The following ZNF407 variants were observed in gnomAD, a reference collection of about 807,000 sequenced individuals.
ZNF407 encodes zinc finger protein 407.
In ZNF407, 17 loss-of-function variants were observed where a neutral mutation model predicts 131.2. That is an observed-to-expected ratio of 0.13 (90% CI 0.09 to 0.19). The LOEUF is 0.19. Among genes scored for constraint, ZNF407 ranks in the 10% least tolerant of loss-of-function variants. The probability of loss-of-function intolerance (pLI) is 1.00; values close to 1 mark genes in which losing one functional copy is unlikely to be tolerated. For synonymous variants in ZNF407, 1,156 were observed against 1,062.0 expected (o/e 1.09, Z -1.72); for missense variants, 2,681 against 2,830.6 (o/e 0.95, Z 1.20).
intron 8 of ZNF407, among the ~76,000 whole-genome samples, chr18:74,953,792 C>T (rs1347290790): frequency 6.6e-6 from 1 of 152,204 alleles, no homozygotes; most frequent in Admixed American, 6.5e-5. Flanking sequence ...GCCCCTTACT[C>T]CGATGTCATT....
chr18:74,719,475 C>T (rs1967975580), intron 3 of ZNF407, among the ~76,000 whole-genome samples: 1 of 152,250 alleles, frequency 6.6e-6, no homozygotes, highest in African/African-American at 2.4e-5. Flanking sequence ...TCTCAGCTCA[C>T]TGCAAGCTCC....
intron 4 of ZNF407, among the ~76,000 whole-genome samples, chr18:74,808,100 G>T (rs1254091363): frequency 6.6e-6 from 1 of 151,814 alleles, no homozygotes; most frequent in Non-Finnish European, 1.5e-5. Flanking sequence ...CGCAACTTCC[G>T]CCTCCGAGGT....
chr18:74,997,473 A>C lies in ZNF407; in HGVS notation c.5429-65677A>C, dbSNP rs141746237. Among the ~76,000 whole-genome samples, 54 of 152,322 alleles carry C rather than the reference A, an allele frequency of 3.5e-4. No homozygotes were observed. In the East Asian group the frequency reaches 9.6e-3, roughly 27 times the overall value. ...GACGTAAAATACAGCCTCTTGAAAA[A>C]ATAGACATAACAAAAACTTAAGTAA... is the stretch of plus-strand genomic sequence containing the variant. On this transcript the variant is annotated intron_variant, in intron 8 of 8. Transcript: ENST00000299687.
chr18:74,914,684 G>T (rs1193458732), intron 7 of ZNF407, among the ~76,000 whole-genome samples: 3 of 152,192 alleles, frequency 2.0e-5, no homozygotes, highest in African/African-American at 7.2e-5. Flanking sequence ...CATTCTGCAG[G>T]TGCTGAAATC....
chr18:74,750,788 A>G (rs1036694045), intron 3 of ZNF407, among the ~76,000 whole-genome samples: 1 of 152,128 alleles, frequency 6.6e-6, no homozygotes, highest in Non-Finnish European at 1.5e-5. Flanking sequence ...GAAGCCATCA[A>G]ATGTTTCTTG....
intron 8 of ZNF407, among the ~76,000 whole-genome samples, chr18:74,929,910 A>T (rs1355371187): frequency 6.6e-6 from 1 of 152,240 alleles, no homozygotes; most frequent in African/African-American, 2.4e-5. Context: ...AAACTTACAG[A>T]AAAGTTTGCA....
chr18:75,002,733 A>C (rs1038998989), intron 8 of ZNF407, among the ~76,000 whole-genome samples: 11 of 148,110 alleles, frequency 7.4e-5, no homozygotes, highest in African/African-American at 2.5e-4. Flanking sequence ...TGAACCCGGG[A>C]GGTGGAGCTT....
At chr18:74,882,938 A>G (rs1393804403) in intron 6 of ZNF407, among the ~76,000 whole-genome samples, 2 of 152,222 alleles carry the variant, frequency 1.3e-5, no homozygotes, top group African/African-American at 4.8e-5. Context: ...ACCTTGTCCC[A>G]CCTGGTATGG....
At chr18:75,041,291 C>T (rs991036836) in intron 8 of ZNF407, among the ~76,000 whole-genome samples, 1 of 152,172 alleles carries the variant, frequency 6.6e-6, no homozygotes, top group Admixed American at 6.5e-5. Context: ...AGCCTTACCA[C>T]GTTCCTAAGT....
At chr18:74,686,279 A>T (rs145571569) in intron 3 of ZNF407, among the ~76,000 whole-genome samples, 40 of 152,338 alleles carry the variant, frequency 2.6e-4, no homozygotes, top group African/African-American at 8.9e-4. Context: ...TCAATATACA[A>T]ACCAAAACTA....
intron 3 of ZNF407, among the ~76,000 whole-genome samples, chr18:74,755,456 C>A (rs565597591): frequency 2.3e-4 from 35 of 152,056 alleles, no homozygotes; most frequent in Non-Finnish European, 4.0e-4. Flanking sequence ...TCTTGGCATT[C>A]TTGTCACAAT....
chr18:74,967,793 G>A (rs138439787), intron 8 of ZNF407, among the ~76,000 whole-genome samples: 79 of 152,274 alleles, frequency 5.2e-4, no homozygotes, highest in Non-Finnish European at 8.8e-4. Context: ...AGTGATTTGC[G>A]TGCTGTTTCT....
intron 3 of ZNF407, among the ~76,000 whole-genome samples, chr18:74,746,201 G>T (rs1452447386): frequency 6.6e-6 from 1 of 152,096 alleles, no homozygotes; most frequent in African/African-American, 2.4e-5. Flanking sequence ...ATAAAAAGGG[G>T]TGCAGTTGTA....
At chr18:74,781,788 A>G (rs892479937) in intron 4 of ZNF407, among the ~76,000 whole-genome samples, 10 of 152,314 alleles carry the variant, frequency 6.6e-5, no homozygotes, top group Admixed American at 6.5e-4. Flanking sequence ...TTACCTTCTG[A>G]AAATGCATTC....
chr18:74,865,745 TA>T (rs1394692483), intron 4 of ZNF407, among the ~76,000 whole-genome samples: 3 of 152,254 alleles, frequency 2.0e-5, no homozygotes, highest in Non-Finnish European at 4.4e-5. Context: ...ATCTGTTTTG[TA>T]AAAAATTCAT....
Position 75,064,187 on chromosome 18 carries a change from G to A in ZNF407, c.6466G>A (p.Val2156Met). The part of the protein sequence containing the change: ...IVTEELVQAM[V>M]QESSGGFSEG... Reference sequence around the variant, plus strand: ...GACGGAGGAGCTGGTCCAGGCCATGGTGCAGGAGTCCAGTGGCGGCTTCTC... The same window carrying A: ...GACGGAGGAGCTGGTCCAGGCCATGATGCAGGAGTCCAGTGGCGGCTTCTC... The change falls in exon 9 of 9, where the codon GTG becomes ATG. Residue 2156 changes from valine (V) to methionine (M), a missense_variant. Transcript: ENST00000299687. 6.2e-7 allele frequency: 1 copy of A among 1,604,266 alleles called. No homozygotes were observed. Among genetic ancestry groups the A allele is most frequent in the Non-Finnish European group, 8.5e-7 (1 of 1,175,748 alleles).
chr18:74,849,694 G>A (rs1250665423), intron 4 of ZNF407, among the ~76,000 whole-genome samples: 1 of 152,142 alleles, frequency 6.6e-6, no homozygotes, highest in East Asian at 1.9e-4. Context: ...TCCTTCCAGC[G>A]ATGTCCTGAG....
chr18:74,897,613 A>G (rs2145204389), intron 7 of ZNF407, among the ~76,000 whole-genome samples: 1 of 152,334 alleles, frequency 6.6e-6, no homozygotes, highest in South Asian at 2.1e-4. Context: ...GAAAGGCCTT[A>G]GAGATGAAAA....
intron 8 of ZNF407, among the ~76,000 whole-genome samples, chr18:74,926,911 C>T (rs1358882263): frequency 2.0e-5 from 3 of 152,198 alleles, no homozygotes; most frequent in Admixed American, 6.5e-5. Context: ...TGCCTAACAC[C>T]GTGGAGCAGT....
Sources: allele counts gnomAD v4.1 joint callset (sites outside exome capture counted in the v4.1 genomes callset), GRCh38; gene constraint gnomAD v4.1.1; transcripts MANE v1.5; gene names NCBI Gene and HGNC (gene_info 2026-07-23, HGNC 2026-07-21).